Variants in TNKS observed in about 807,000 individuals in gnomAD.
The protein encoded by TNKS is tankyrase.
TNKS carries 72 observed loss-of-function variants against 135.8 expected under a neutral mutation model. The ratio of observed to expected loss-of-function variants is 0.53; its 90% CI spans 0.44 to 0.64. TNKS has a LOEUF of 0.64. TNKS is among the 30% of genes least tolerant of loss of function. The probability of loss-of-function intolerance (pLI) is 0.00; values close to 1 mark genes in which losing one functional copy is unlikely to be tolerated. For synonymous variants in TNKS, 849 were observed against 649.3 expected (o/e 1.31, Z -4.68); for missense variants, 1,769 against 1,674.0 (o/e 1.06, Z -0.99).
At chr8:9,644,270 G>A (rs866305413) in intron 3 of TNKS, among the ~76,000 whole-genome samples, 5 of 152,178 alleles carry the variant, frequency 3.3e-5, no homozygotes, top group African/African-American at 1.2e-4. Flanking sequence ...AAATTTGGGT[G>A]AGGCTCTGGT....
At chr8:9,642,657 A>G (rs1022786061) in intron 3 of TNKS, among the ~76,000 whole-genome samples, 1 of 146,214 alleles carries the variant, frequency 6.8e-6, no homozygotes, top group Non-Finnish European at 1.5e-5. Context: ...AGAATATTGA[A>G]CATCATTTTT....
intron 5 of TNKS, among the ~76,000 whole-genome samples, chr8:9,692,965 C>G (rs758540297): frequency 1.8e-4 from 28 of 152,314 alleles, no homozygotes; most frequent in Admixed American, 3.9e-4. Flanking sequence ...ATCACTCTCT[C>G]AAAGAGCTAC....
intron 3 of TNKS, among the ~76,000 whole-genome samples, chr8:9,660,628 T>A (rs999754481): frequency 2.0e-5 from 3 of 152,186 alleles, no homozygotes; most frequent in Non-Finnish European, 2.9e-5. Flanking sequence ...ACAGCCAATA[T>A]CATACTGAAT....
chr8:9,647,726 A>G (rs1585273486), intron 3 of TNKS, among the ~76,000 whole-genome samples: 2 of 152,266 alleles, frequency 1.3e-5, no homozygotes, highest in African/African-American at 4.8e-5. Context: ...TATTCATTAT[A>G]TTTCTGGGAA....
At chr8:9,562,225 A>G (rs970132515) in intron 1 of TNKS, among the ~76,000 whole-genome samples, 1 of 152,046 alleles carries the variant, frequency 6.6e-6, no homozygotes, top group African/African-American at 2.4e-5. Context: ...AGTACTTTAT[A>G]TATTCTGCAT....
chr8:9,599,329 C>A lies in TNKS; in HGVS notation c.899-16253C>A, dbSNP rs570880018. On this transcript the variant is annotated intron_variant, in intron 2 of 26. Transcript: ENST00000310430. The stretch of plus-strand genomic sequence containing the variant: ...GATACGAGAGAGTGTTTATTGAGTT[C>A]TTGTTATGTGCAAAGAGCCAAGCCG... 8.7e-4 allele frequency among the ~76,000 whole-genome samples: 132 copies of A among 152,180 alleles called. 1 individual carries two copies. Among genetic ancestry groups the A allele is most frequent in the South Asian group, 1.5e-3 (7 of 4,808 alleles).
At chr8:9,586,031 G>A (rs562837141) in intron 2 of TNKS, among the ~76,000 whole-genome samples, 55 of 152,070 alleles carry the variant, frequency 3.6e-4, no homozygotes, top group African/African-American at 1.2e-3. Flanking sequence ...GATAATATAC[G>A]TGAAACACCC....
chr8:9,629,909 C>G (rs934854041), intron 3 of TNKS, among the ~76,000 whole-genome samples: 1 of 152,158 alleles, frequency 6.6e-6, no homozygotes, highest in Non-Finnish European at 1.5e-5. Flanking sequence ...GTCTCGATCT[C>G]CTGACCTTGT....
chr8:9,601,768 T>C (rs529525055), intron 2 of TNKS, among the ~76,000 whole-genome samples: 1 of 152,216 alleles, frequency 6.6e-6, no homozygotes, highest in Admixed American at 6.5e-5. Flanking sequence ...ACCTTAAATT[T>C]AGAAGGATAC....
chr8:9,630,501 T>G (rs543441797), intron 3 of TNKS, among the ~76,000 whole-genome samples: 13 of 152,336 alleles, frequency 8.5e-5, no homozygotes, highest in Middle Eastern at 3.4e-3. Context: ...AGTTCTACTT[T>G]CAGCTGCTCT....
At chr8:9,610,771 C>T (rs1799433676) in intron 2 of TNKS, among the ~76,000 whole-genome samples, 2 of 152,110 alleles carry the variant, frequency 1.3e-5, no homozygotes, top group South Asian at 4.1e-4. Flanking sequence ...ACATTTTTAG[C>T]TTGGAAAATT....
intron 24 of TNKS, 108 bp from the exon 25 acceptor site, chr8:9,766,131 T>C: frequency 1.1e-6 from 1 of 919,854 alleles, no homozygotes; most frequent in South Asian, 1.9e-5. Context: ...TTTTCATTTA[T>C]ACACCATTCA....
At chr8:9,593,323 T>C (rs1442938314) in intron 2 of TNKS, among the ~76,000 whole-genome samples, 1 of 152,204 alleles carries the variant, frequency 6.6e-6, no homozygotes, top group East Asian at 1.9e-4. Context: ...AGTTGTTACT[T>C]TGCCACAGTC....
intron 26 of TNKS, 85 bp downstream of exon 26, chr8:9,770,347 C>T: frequency 1.5e-6 from 2 of 1,347,148 alleles, no homozygotes; most frequent in South Asian, 1.4e-5. Context: ...AGACACTTTT[C>T]AGTGAAATAT....
At chr8:9,556,969 T>G in intron 1 of TNKS, 1 of 437,476 alleles carries the variant, frequency 2.3e-6, no homozygotes, top group South Asian at 4.7e-5. Flanking sequence ...TGCTAGTTTA[T>G]TTTGTTTTTA....
intron 13 of TNKS, among the ~76,000 whole-genome samples, chr8:9,726,947 T>C (rs1223931500): frequency 6.6e-6 from 1 of 152,192 alleles, no homozygotes; most frequent in African/African-American, 2.4e-5. Context: ...GATAGACAGA[T>C]GGATATATAC....
chr8:9,664,845 A>C (rs1285771374), intron 3 of TNKS, among the ~76,000 whole-genome samples: 1 of 152,150 alleles, frequency 6.6e-6, no homozygotes, highest in Non-Finnish European at 1.5e-5. Context: ...AGCTAATCTA[A>C]CCTTTTACCC....
At chr8:9,614,378 C>G (rs917454041) in intron 2 of TNKS, among the ~76,000 whole-genome samples, 1 of 152,148 alleles carries the variant, frequency 6.6e-6, no homozygotes, top group Admixed American at 6.6e-5. Context: ...TTTATTGTCC[C>G]AAGTCTGAAA....
intron 21 of TNKS, 108 bp downstream of exon 21, chr8:9,761,744 C>T (rs1448777549): frequency 4.4e-6 from 5 of 1,140,704 alleles, no homozygotes; most frequent in Non-Finnish European, 6.1e-6. Context: ...ATACACTGAA[C>T]TATTGTACCT....
Sources: gnomAD v4.1 joint callset for allele counts (sites outside exome capture counted in the v4.1 genomes callset) on GRCh38, gnomAD v4.1.1 for gene constraint, MANE v1.5 for transcripts, NCBI Gene and HGNC (gene_info 2026-07-23, HGNC 2026-07-21) for gene names.